Variants in FHIT observed in about 807,000 individuals in gnomAD.
FHIT encodes the protein bis(5'-adenosyl)-triphosphatase.
In FHIT, 19 loss-of-function variants were observed where a neutral mutation model predicts 17.9. The ratio of observed to expected loss-of-function variants is 1.06; its 90% CI spans 0.74 to 1.56. FHIT has a LOEUF of 1.56. FHIT is among the 40% of genes most tolerant of loss of function. FHIT has a pLI of 0.00. For synonymous variants in FHIT, 81 were observed against 69.7 expected (o/e 1.16, Z -0.81); for missense variants, 248 against 189.2 (o/e 1.31, Z -1.82).
At chr3:60,867,842 C>T (rs782494787) in intron 3 of FHIT, among the ~76,000 whole-genome samples, 3 of 152,070 alleles carry the variant, frequency 2.0e-5, no homozygotes, top group Non-Finnish European at 4.4e-5. Flanking sequence ...TGGGCATGTA[C>T]CATTAGCAAG....
At chr3:60,397,217 C>A (rs1404111957) in intron 5 of FHIT, among the ~76,000 whole-genome samples, 9 of 152,318 alleles carry the variant, frequency 5.9e-5, no homozygotes, top group Admixed American at 2.6e-4. Flanking sequence ...CAGAGCTCAG[C>A]TTGCCCTTTG....
intron 5 of FHIT, among the ~76,000 whole-genome samples, chr3:60,035,093 G>A (rs1392854843): frequency 6.6e-6 from 1 of 152,188 alleles, no homozygotes; most frequent in African/African-American, 2.4e-5. Context: ...AGAGGATCAA[G>A]CCATCTGCTT....
At chr3:60,454,444 G>T (rs544757910) in intron 5 of FHIT, among the ~76,000 whole-genome samples, 106 of 150,366 alleles carry the variant, frequency 7.0e-4, no homozygotes, top group African/African-American at 2.5e-3. Context: ...GAGTGCACTC[G>T]CATGATCTCG....
intron 4 of FHIT, among the ~76,000 whole-genome samples, chr3:60,673,861 T>G (rs1553694612): frequency 6.6e-6 from 1 of 152,194 alleles, no homozygotes; most frequent in African/African-American, 2.4e-5. Flanking sequence ...TTTTATCAGT[T>G]GGCCGTCATA....
chr3:61,164,970 T>G (rs1400881745), intron 2 of FHIT, among the ~76,000 whole-genome samples: 1 of 152,216 alleles, frequency 6.6e-6, no homozygotes, highest in Non-Finnish European at 1.5e-5. Flanking sequence ...GGACATGCTT[T>G]TGTTCTTTTT....
intron 5 of FHIT, among the ~76,000 whole-genome samples, chr3:60,071,626 T>C (rs1702775342): frequency 1.3e-5 from 2 of 152,162 alleles, no homozygotes; most frequent in African/African-American, 4.8e-5. Context: ...GTTTATGACC[T>C]GCAGCAAAGT....
At chr3:59,917,128 T>G (rs1705170360) in intron 8 of FHIT, among the ~76,000 whole-genome samples, 1 of 152,256 alleles carries the variant, frequency 6.6e-6, no homozygotes, top group Non-Finnish European at 1.5e-5. Context: ...CCAAATGGCC[T>G]GCATTTTAGC....
intron 1 of FHIT, among the ~76,000 whole-genome samples, chr3:61,209,104 G>C (rs4688352): frequency 1.3e-5 from 2 of 151,676 alleles, no homozygotes; most frequent in African/African-American, 4.8e-5. Flanking sequence ...ATGAAATGCT[G>C]GGTTGAAAAT....
intron 1 of FHIT, among the ~76,000 whole-genome samples, chr3:61,233,147 G>A (rs1576271609): frequency 6.6e-6 from 1 of 152,154 alleles, no homozygotes; most frequent in African/African-American, 2.4e-5. Flanking sequence ...AGGGCAATTC[G>A]GTGGTATACA....
intron 2 of FHIT, among the ~76,000 whole-genome samples, chr3:61,108,955 T>C (rs949668893): frequency 6.6e-6 from 1 of 152,206 alleles, no homozygotes; most frequent in Non-Finnish European, 1.5e-5. Context: ...AAAGTTAGCC[T>C]AAAAGACTAA....
chr3:60,882,274 T>G (rs1553758114), intron 3 of FHIT, among the ~76,000 whole-genome samples: 1 of 152,144 alleles, frequency 6.6e-6, no homozygotes, highest in Admixed American at 6.5e-5. Flanking sequence ...ACCTGATAGC[T>G]TCACTACTGA....
At chr3:60,216,326 G>A (rs1035664891) in intron 5 of FHIT, among the ~76,000 whole-genome samples, 7 of 152,140 alleles carry the variant, frequency 4.6e-5, no homozygotes, top group African/African-American at 1.7e-4. Context: ...AGTCAGATCT[G>A]TTTGTTTGTT....
At chr3:60,046,871 G>C (rs995581573) in intron 5 of FHIT, among the ~76,000 whole-genome samples, 2 of 152,156 alleles carry the variant, frequency 1.3e-5, no homozygotes, top group East Asian at 3.9e-4. Context: ...ATCTGACATA[G>C]TAAACAGCTT....
intron 4 of FHIT, among the ~76,000 whole-genome samples, chr3:60,772,486 C>G (rs1318129161): frequency 6.6e-6 from 1 of 152,036 alleles, no homozygotes; most frequent in African/African-American, 2.4e-5. Context: ...AATGTTGTAT[C>G]AATGAGAAAA....
At chr3:60,554,241 TA>T (rs11297542) in intron 4 of FHIT, among the ~76,000 whole-genome samples, 53,134 of 145,562 alleles carry the variant, frequency 0.37, 11,974 homozygotes, top group African/African-American at 0.64. Flanking sequence ...TCTTAACGGT[TA>T]AAAAAAAAAA....
chr3:60,839,509 G>C (rs1284326182), intron 3 of FHIT, among the ~76,000 whole-genome samples: 1 of 152,128 alleles, frequency 6.6e-6, no homozygotes, highest in Non-Finnish European at 1.5e-5. Flanking sequence ...GCATTTGTCA[G>C]TGTCTGTCAA....
intron 3 of FHIT, among the ~76,000 whole-genome samples, chr3:60,929,536 G>A (rs1707835286): frequency 6.6e-6 from 1 of 151,988 alleles, no homozygotes. Flanking sequence ...AAATCAATGT[G>A]CAAAAATCAC....
At chr3:60,711,751 G>A (rs1482738709) in intron 4 of FHIT, among the ~76,000 whole-genome samples, 1 of 152,182 alleles carries the variant, frequency 6.6e-6, no homozygotes, top group African/African-American at 2.4e-5. Context: ...AATGAACAAA[G>A]CCTCCAAGAA....
At chr3:60,186,448 T>C (rs1412854307) in intron 5 of FHIT, among the ~76,000 whole-genome samples, 1 of 152,190 alleles carries the variant, frequency 6.6e-6, no homozygotes, top group Non-Finnish European at 1.5e-5. Flanking sequence ...TAGTCAACTG[T>C]TTTTCAAAAA....
Sources: allele counts gnomAD v4.1 joint callset (sites outside exome capture counted in the v4.1 genomes callset), GRCh38; gene constraint gnomAD v4.1.1; transcripts MANE v1.5; gene names NCBI Gene and HGNC (gene_info 2026-07-23, HGNC 2026-07-21).